Variants in CADM2 observed in about 807,000 individuals in gnomAD.
CADM2 encodes the protein immunoglobulin superfamily member 4D.
In CADM2, 12 loss-of-function variants were observed where a neutral mutation model predicts 49.8. The observed-to-expected ratio is 0.24, with a 90% confidence interval of 0.15 to 0.39. The LOEUF is 0.39. Among genes scored for constraint, CADM2 ranks in the 10% least tolerant of loss-of-function variants. The pLI is 1.00. For synonymous variants in CADM2, 214 were observed against 175.4 expected (o/e 1.22, Z -1.74); for missense variants, 378 against 492.3 (o/e 0.77, Z 2.20).
At chr3:85,745,685 G>T (rs1158662227) in intron 2 of CADM2, among the ~76,000 whole-genome samples, 1 of 152,116 alleles carries the variant, frequency 6.6e-6, no homozygotes, top group Non-Finnish European at 1.5e-5. Context: ...ATGCAACATT[G>T]CGATACCCCA....
chr3:86,058,327 ACT>A (rs373245851), intron 8 of CADM2, among the ~76,000 whole-genome samples: 1 of 151,444 alleles, frequency 6.6e-6, no homozygotes, highest in Admixed American at 6.6e-5. Flanking sequence ...ATACGTTCCA[ACT>A]CTCTTTTTTT....
At chr3:85,802,300 A>G in intron 3 of CADM2, 104 bp downstream of exon 3, 2 of 972,142 alleles carry the variant, frequency 2.1e-6, no homozygotes, top group Non-Finnish European at 2.9e-6. Flanking sequence ...TTGATTACCA[A>G]ACTGCTGCTG....
chr3:86,044,093 A>C (rs909237465), intron 8 of CADM2, among the ~76,000 whole-genome samples: 3 of 152,236 alleles, frequency 2.0e-5, no homozygotes, highest in African/African-American at 7.2e-5. Context: ...TGTTAGACCT[A>C]AAACCATAAA....
intron 3 of CADM2, among the ~76,000 whole-genome samples, chr3:85,864,765 G>A (rs569322937): frequency 1.3e-5 from 2 of 152,270 alleles, no homozygotes; most frequent in South Asian, 4.1e-4. Context: ...ATCACTGGAA[G>A]CATCTTAAAC....
At chr3:85,576,835 C>T (rs1419293761) in intron 1 of CADM2, among the ~76,000 whole-genome samples, 1 of 152,138 alleles carries the variant, frequency 6.6e-6, no homozygotes, top group Non-Finnish European at 1.5e-5. Flanking sequence ...TTAACCTAGA[C>T]TATACCACCC....
At chr3:84,987,715 G>A (rs972322512) in intron 1 of CADM2, among the ~76,000 whole-genome samples, 1 of 152,166 alleles carries the variant, frequency 6.6e-6, no homozygotes, top group Admixed American at 6.5e-5. Context: ...ATTGATGTGT[G>A]TTTATTAAAA....
chr3:85,554,757 G>A (rs1346090233), intron 1 of CADM2, among the ~76,000 whole-genome samples: 4 of 151,924 alleles, frequency 2.6e-5, no homozygotes, highest in East Asian at 1.9e-4. Flanking sequence ...TTGCAGTAGC[G>A]TGATCAGCTC....
At chr3:85,012,077 T>C (rs1476842060) in intron 1 of CADM2, among the ~76,000 whole-genome samples, 1 of 151,800 alleles carries the variant, frequency 6.6e-6, no homozygotes, top group East Asian at 1.9e-4. Context: ...GGGCCTGGTT[T>C]TTTTTTTTTC....
intron 1 of CADM2, among the ~76,000 whole-genome samples, chr3:85,008,327 A>G (rs2033837432): frequency 6.6e-6 from 1 of 152,156 alleles, no homozygotes; most frequent in African/African-American, 2.4e-5. Context: ...GAGCACATTC[A>G]CTTTATTCCC....
intron 5 of CADM2, among the ~76,000 whole-genome samples, chr3:85,891,020 C>CT (rs34058516): frequency 2.6e-5 from 4 of 151,996 alleles, no homozygotes; most frequent in Admixed American, 6.6e-5. Context: ...AATAGTGAGA[C>CT]TTTTTTTTAA....
At chr3:85,680,937 G>T (rs1353757276) in intron 1 of CADM2, among the ~76,000 whole-genome samples, 1 of 152,062 alleles carries the variant, frequency 6.6e-6, no homozygotes, top group Non-Finnish European at 1.5e-5. Context: ...TTGGGGTTTG[G>T]AGTCATGAAA....
chr3:85,466,701 A>C (rs1321948998), intron 1 of CADM2, among the ~76,000 whole-genome samples: 1 of 152,230 alleles, frequency 6.6e-6, no homozygotes, highest in Non-Finnish European at 1.5e-5. Flanking sequence ...ACATTTTGCC[A>C]ATAAAAATAA....
chr3:85,643,357 G>T (rs901673077), intron 1 of CADM2, among the ~76,000 whole-genome samples: 5 of 152,114 alleles, frequency 3.3e-5, no homozygotes, highest in South Asian at 2.1e-4. Flanking sequence ...ACAAGTAGAC[G>T]TTAATTATTT....
intron 1 of CADM2, among the ~76,000 whole-genome samples, chr3:85,273,990 A>G (rs761095063): frequency 4.0e-5 from 6 of 151,414 alleles, no homozygotes; most frequent in South Asian, 2.1e-4. Flanking sequence ...AAATAACTAG[A>G]AAAATGAGTT....
intron 1 of CADM2, among the ~76,000 whole-genome samples, chr3:85,515,713 G>T (rs62250758): frequency 0.52 from 76,845 of 148,726 alleles, 22,735 homozygotes; most frequent in East Asian, 0.85. Flanking sequence ...TCCTGACCTC[G>T]TGGTCCGCCC....
At chr3:85,271,770 C>T (rs578256608) in intron 1 of CADM2, among the ~76,000 whole-genome samples, 1 of 150,960 alleles carries the variant, frequency 6.6e-6, no homozygotes, top group African/African-American at 2.4e-5. Flanking sequence ...CTGTATTTCA[C>T]CTAAGACAAA....
intron 1 of CADM2, among the ~76,000 whole-genome samples, chr3:85,292,024 G>A (rs1350228459): frequency 1.3e-5 from 2 of 151,872 alleles, no homozygotes; most frequent in African/African-American, 4.8e-5. Context: ...ACCCATCAGT[G>A]TGCTGTATTC....
chr3:85,334,526 T>C (rs1559785217), intron 1 of CADM2, among the ~76,000 whole-genome samples: 1 of 151,588 alleles, frequency 6.6e-6, no homozygotes, highest in Non-Finnish European at 1.5e-5. Context: ...GATTAATCAA[T>C]GTTCAACAAT....
chr3:85,719,018 T>A (rs1418076819), intron 1 of CADM2, among the ~76,000 whole-genome samples: 1 of 151,656 alleles, frequency 6.6e-6, no homozygotes. Context: ...ATTCAAGCAA[T>A]TCTCCTGTCT....
Sources: allele counts gnomAD v4.1 joint callset (sites outside exome capture counted in the v4.1 genomes callset), GRCh38; gene constraint gnomAD v4.1.1; transcripts MANE v1.5; gene names NCBI Gene and HGNC (gene_info 2026-07-23, HGNC 2026-07-21).